The following RPS27 variants were observed in gnomAD, a reference collection of about 807,000 sequenced individuals.
RPS27 encodes the protein ribosomal protein S27, also known as small ribosomal subunit protein eS27.
RPS27 carries 1 observed loss-of-function variant against 11.8 expected under a neutral mutation model. The ratio of observed to expected loss-of-function variants is 0.08; its 90% confidence interval spans 0.03 to 0.40. RPS27 has a LOEUF of 0.40. Among genes scored for constraint, RPS27 ranks in the 10% least tolerant of loss-of-function variants. The probability of loss-of-function intolerance (pLI) is 0.98; values close to 1 mark genes in which losing one functional copy is unlikely to be tolerated. For missense variants in RPS27, 44 were observed against 100.1 expected (o/e 0.44, Z 2.39); for synonymous variants, 42 against 33.8 (o/e 1.24, Z -0.84).
chr1:153,991,671 C>T lies in RPS27; in HGVS notation c.221C>T (p.Thr74Ile). 1 of 1,593,388 alleles carries T rather than the reference C, an allele frequency of 6.3e-7. No individual in the cohort carries two copies. The highest frequency in any genetic ancestry group is 8.6e-7 in the Non-Finnish European group (1 of 1,162,070). ...CCTACAGGAGGAAAAGCAAGGCTTA[C>T]AGAAGGTAAATGGTTTACTAATGTG... The part of the protein sequence containing the change: ...CQPTGGKARL[T>I]EGCSFRRKQH The change falls in exon 3 of 4, where the codon ACA (threonine) becomes ATA (isoleucine). Residue 74 changes from threonine to isoleucine, a missense_variant. Around this residue, in one of 2 missense-constraint regions of RPS27, gnomAD observed 23 missense variants for 83.8 expected, o/e 0.27. Transcript: ENST00000651669.
chr1:153,991,007 A>T (rs1649364643), intron 1 of RPS27, 108 bp from the exon 2 acceptor site: 2 of 1,107,292 alleles, frequency 1.8e-6, no homozygotes, highest in Non-Finnish European at 1.3e-6. Context: ...CGCAGACACC[A>T]GGGGCGGCGA....
At chr1:153,990,827 G>C in intron 1 of RPS27, 25 bp downstream of exon 1, 2 of 1,614,188 alleles carry the variant, frequency 1.2e-6, no homozygotes, top group Non-Finnish European at 1.7e-6. Flanking sequence ...CCAGGTTTCG[G>C]CGGAGATCTC....
intron 3 of RPS27, among the ~76,000 whole-genome samples, 179 bp downstream of exon 3, chr1:153,991,855 A>G (rs1649429241): frequency 1.3e-5 from 2 of 152,234 alleles, no homozygotes; most frequent in South Asian, 4.1e-4. Context: ...TATTAATCTC[A>G]AAGCACTACT....
rs961056062 is a variant in RPS27 at position 153,990,834 on chromosome 1, T to G, written c.6+32T>G. On this transcript the variant is annotated intron_variant, in intron 1 of 3. Coordinates refer to ENST00000651669, the MANE Select transcript of RPS27 (RefSeq NM_001030.6). ...GCTTTGGTCCAGGTTTCGGCGGAGA[T>G]CTCGCTGTTCTGTCCGAACTCTCCC... 3.1e-6 allele frequency: 5 copies of G among 1,613,964 alleles called. No homozygotes were observed. In the African/African-American group the frequency reaches 5.3e-5, roughly 17 times the overall value.
intron 3 of RPS27, 64 bp downstream of exon 3, chr1:153,991,740 T>A: frequency 8.9e-7 from 1 of 1,129,078 alleles, no homozygotes; most frequent in South Asian, 1.3e-5. Flanking sequence ...AAACATTTCT[T>A]AGGATTTTTC....
At chr1:153,991,521 G>A (rs777914816) in intron 2 of RPS27, 45 bp from the exon 3 acceptor site, 15 of 1,475,846 alleles carry the variant, frequency 1.0e-5, no homozygotes, top group African/African-American at 1.4e-5. Context: ...GTGCAGGAAA[G>A]ACGGGTGTAA....
chr1:153,991,827 AT>A lies in RPS27; in HGVS notation c.226+152del, dbSNP rs1243528086. 4.5e-6 allele frequency: 3 copies of A among 667,782 alleles called. No homozygotes were observed. In the African/African-American group the frequency reaches 5.4e-5, roughly 12 times the overall value. 41.4% of individuals were successfully genotyped at this position (667,782 alleles called of 1,614,324 possible). On this transcript the variant is annotated intron_variant, in intron 3 of 3. Transcript: ENST00000651669. ...TGTTGGATTTGGTTGTTTTAACTAG[AT>A]ACTACCAAAAGCTATGTATTAATCT...
At chr1:153,991,743 G>A in intron 3 of RPS27, 67 bp downstream of exon 3, 1 of 1,076,790 alleles carries the variant, frequency 9.3e-7, no homozygotes, top group Non-Finnish European at 1.4e-6. Flanking sequence ...CATTTCTTAG[G>A]ATTTTTCGGT....
chr1:153,991,919 C>CCA (rs1168321346), intron 3 of RPS27, 146 bp from the exon 4 acceptor site: 2 of 681,692 alleles, frequency 2.9e-6, no homozygotes, highest in Non-Finnish European at 4.9e-6. Flanking sequence ...TAGGAAGTAA[C>CCA]CAGTGATACA....
chr1:153,991,475 TGGGA>T, intron 2 of RPS27, 87 bp from the exon 3 acceptor site: 2 of 1,363,452 alleles, frequency 1.5e-6, no homozygotes, highest in Admixed American at 3.9e-5. Flanking sequence ...TTTTTTGTGT[TGGGA>T]AACAATGTAA....
intron 2 of RPS27, 43 bp from the exon 3 acceptor site, chr1:153,991,523 C>T: frequency 3.0e-6 from 4 of 1,329,612 alleles, no homozygotes; most frequent in African/African-American, 1.5e-5. Context: ...GCAGGAAAGA[C>T]GGGTGTAATA....
chr1:153,991,276 A>C, intron 2 of RPS27, 53 bp downstream of exon 2: 1 of 1,563,370 alleles, frequency 6.4e-7, no homozygotes, highest in Non-Finnish European at 8.7e-7. Context: ...AACAGTTGGA[A>C]AATGTTGTAG....
Position 153,990,800 on chromosome 1 carries a change from C to G in RPS27, c.4C>G (p.Pro2Ala). 1.2e-6 allele frequency: 2 copies of G among 1,614,224 alleles called. No individual in the cohort carries two copies. Among genetic ancestry groups the G allele is most frequent in the Non-Finnish European group, 1.7e-6 (2 of 1,180,048 alleles). ...GACGACCTACGCACACGAGAACATG[C>G]CTGTGAGTGCTTTGGTCCAGGTTTC... The part of the protein sequence containing the change: M[P>A]LAKDLLHPSP... Residue 2 changes from proline (P) to alanine (A), a missense_variant and splice_region_variant, in exon 1 of 4, where the codon CCT (proline) becomes GCT (alanine). Physicochemically the swap from Pro to Ala is conservative, Grantham distance 27 (BLOSUM62 -1). Around this residue, in one of 2 missense-constraint regions of RPS27, gnomAD observed 21 missense variants for 16.2 expected, o/e 1.29. Transcript: ENST00000651669.
intron 2 of RPS27, 140 bp from the exon 3 acceptor site, chr1:153,991,426 C>G: frequency 7.2e-7 from 1 of 1,391,118 alleles, no homozygotes; most frequent in Non-Finnish European, 9.9e-7. Flanking sequence ...ATTCATTTCA[C>G]CGTGATCTCT....
rs779730084 is a variant in RPS27, at chr1:153,990,775, G to T, written c.-22G>T. On this transcript the variant is annotated 5_prime_UTR_variant, in exon 1 of 4. Coordinates refer to ENST00000651669, the MANE Select transcript of RPS27 (RefSeq NM_001030.6). ...TCCGCTTTCGCTCCTTTCCGGCGGT[G>T]ACGACCTACGCACACGAGAACATGC... 6.2e-7 allele frequency: 1 copy of T among 1,614,190 alleles called. No individual in the cohort carries two copies. Among genetic ancestry groups the T allele is most frequent in the Non-Finnish European group, 8.5e-7 (1 of 1,180,038 alleles).
chr1:153,991,830 C>A, intron 3 of RPS27, 154 bp downstream of exon 3: 1 of 664,028 alleles, frequency 1.5e-6, no homozygotes, highest in Non-Finnish European at 2.6e-6. Flanking sequence ...TAACTAGATA[C>A]TACCAAAAGC....
Position 153,991,624 on chromosome 1 carries a change from C to G in RPS27, c.174C>G (p.Gly58=). The part of the protein sequence containing the change: ...SHAQTVVLCV[G]CSTVLCQPTG... Reference sequence around the variant, plus strand: ...CACAAACGGTAGTTTTGTGTGTTGGCTGCTCCACTGTCCTCTGCCAGCCTA... The same window carrying G: ...CACAAACGGTAGTTTTGTGTGTTGGGTGCTCCACTGTCCTCTGCCAGCCTA... Residue 58 remains glycine, a synonymous_variant, in exon 3 of 4, where the codon GGC becomes GGG. Transcript: ENST00000651669. 3 of 1,613,116 alleles carry G rather than the reference C, an allele frequency of 1.9e-6. No homozygotes were observed. The highest frequency in any genetic ancestry group is 2.5e-6 in the Non-Finnish European group (3 of 1,179,074).
In RPS27 at chr1:153,992,098, ACT is replaced by A. The variant is rs1413421715; in HGVS notation, c.*8_*9del. On this transcript the variant is annotated 3_prime_UTR_variant, in exon 4 of 4. Transcript: ENST00000651669. ...TTCAGGAGGAAGCAGCACTAAAAGC[ACT>A]CTGAGTCAAGATGAGTGGGAAACCA... The A allele has an allele frequency of 3.7e-6, 6 of 1,610,116 alleles. No individual in the cohort carries two copies. The highest frequency in any genetic ancestry group is 3.3e-5 in the South Asian group (3 of 90,996).
chr1:153,991,757 A>G, intron 3 of RPS27, 81 bp downstream of exon 3: 1 of 931,704 alleles, frequency 1.1e-6, no homozygotes, highest in Non-Finnish European at 1.7e-6. Context: ...TTTCGGTCTT[A>G]ACAGTGACAG....
Sources: gnomAD v4.1 joint callset for allele counts (sites outside exome capture counted in the v4.1 genomes callset) on GRCh38, gnomAD v4.1.1 for gene constraint, gnomAD v4.1.1 regional missense constraint, MANE v1.5 for transcripts, NCBI Gene and HGNC (gene_info 2026-07-23, HGNC 2026-07-21) for gene names.